Variants in GRIN2B observed in about 807,000 individuals in gnomAD.
GRIN2B encodes the protein glutamate receptor ionotropic, NMDA 2B.
GRIN2B carries 5 observed loss-of-function variants against 114.5 expected under a neutral mutation model. That is an observed-to-expected ratio of 0.04 (90% confidence interval 0.02 to 0.09). The LOEUF (loss-of-function observed/expected upper bound fraction) is 0.09. GRIN2B is among the 10% of genes least tolerant of loss of function. The pLI is 1.00. For missense variants in GRIN2B, 1,108 were observed against 1,943.5 expected, an observed-to-expected ratio of 0.57 and a Z score of 8.08; for synonymous variants, 787 against 745.1, an observed-to-expected ratio of 1.06 and a Z score of -0.92.
At chr12:13,737,271 G>A (rs1863202275) in intron 4 of GRIN2B, among the ~76,000 whole-genome samples, 1 of 151,478 alleles carries the variant, frequency 6.6e-6, no homozygotes, top group Non-Finnish European at 1.5e-5. Context: ...GAGTGCAGTG[G>A]CGCTATCTCG....
intron 4 of GRIN2B, among the ~76,000 whole-genome samples, chr12:13,745,922 A>C (rs1443291197): frequency 6.6e-6 from 1 of 152,102 alleles, no homozygotes; most frequent in Non-Finnish European, 1.5e-5. Flanking sequence ...AATCTGACAA[A>C]TATTTATCAA....
At chr12:13,910,169 A>C (rs1022466741) in intron 2 of GRIN2B, among the ~76,000 whole-genome samples, 1 of 152,202 alleles carries the variant, frequency 6.6e-6, no homozygotes, top group Non-Finnish European at 1.5e-5. Context: ...ATTACTATTA[A>C]ATACTTATTA....
intron 3 of GRIN2B, among the ~76,000 whole-genome samples, chr12:13,796,494 C>T (rs1193207341): frequency 6.6e-6 from 1 of 152,172 alleles, no homozygotes; most frequent in African/African-American, 2.4e-5. Context: ...ACAAGCCTTT[C>T]CCCAATTCAG....
chr12:13,760,789 C>CA (rs1291050608), intron 3 of GRIN2B, among the ~76,000 whole-genome samples: 1 of 152,142 alleles, frequency 6.6e-6, no homozygotes, highest in African/African-American at 2.4e-5. Context: ...ATATGGGAGA[C>CA]AAAAAATCTC....
intron 4 of GRIN2B, among the ~76,000 whole-genome samples, chr12:13,692,760 C>CTTT (rs71067718): frequency 4.0e-3 from 208 of 52,016 alleles, no homozygotes; most frequent in African/African-American, 4.8e-3. Flanking sequence ...TCTTTCTTTT[C>CTTT]TTTTTTTTTT....
chr12:13,554,935 T>A lies in GRIN2B; in HGVS notation c.*7848A>T, dbSNP rs1397157878. The A allele has an allele frequency of 6.6e-6, 1 of 152,144 alleles. No homozygotes were observed. Among genetic ancestry groups the A allele is most frequent in the East Asian group, 1.9e-4 (1 of 5,198 alleles). The allele number at this position is 152,144 out of a possible 1,614,324, so 9.4% of individuals were successfully genotyped here. A position where few individuals can be genotyped will look rare whatever the true frequency, so the allele number is the denominator to read the frequency against. ...GGTTTGCAGCAATGGTTTTGGATAT[T>A]TGAGTCAAGATGAAGTTGAGTGTTC... On this transcript the variant is annotated 3_prime_UTR_variant, in exon 14 of 14. Coordinates refer to ENST00000609686, the MANE Select transcript of GRIN2B (RefSeq NM_000834.5).
At position 13,948,933 on chromosome 12, in the gene GRIN2B, G is replaced by A. The variant is rs553695015; in HGVS notation, c.-19+30995C>T. On this transcript the variant is annotated intron_variant, in intron 2 of 13. Coordinates refer to ENST00000609686, the MANE Select transcript of GRIN2B (RefSeq NM_000834.5). ...CAAACTCACCAGACTACTGCAGACC[G>A]CTTTTTCTCTGAAAGAACTAAGTTC... Among the ~76,000 whole-genome samples the A allele has an allele frequency of 3.3e-4, 50 of 152,226 alleles. 1 individual carries two copies. The highest frequency in any genetic ancestry group is 1.0e-3 in the African/African-American group (43 of 41,540).
intron 3 of GRIN2B, among the ~76,000 whole-genome samples, chr12:13,825,510 G>GTGTGTGTA (rs1798339584): frequency 7.1e-6 from 1 of 140,450 alleles, no homozygotes; most frequent in South Asian, 2.3e-4. Context: ...GTGTGTGTGT[G>GTGTGTGTA]TGTGTGTGTG....
chr12:13,866,241 A>G lies in GRIN2B; in HGVS notation c.-18-15T>C, dbSNP rs775357277. On this transcript the variant is annotated splice_polypyrimidine_tract_variant and intron_variant, in intron 2 of 13. Transcript: ENST00000609686. Reference sequence around the variant, plus strand: ...TCGTCGACTCCCTGCAAACACAAAGAAAGAGCATGTTAAAATAGGATCTAC... The same window carrying G: ...TCGTCGACTCCCTGCAAACACAAAGGAAGAGCATGTTAAAATAGGATCTAC... 1 of 1,599,116 alleles carries G rather than the reference A, an allele frequency of 6.3e-7. No homozygotes were observed. Among genetic ancestry groups the G allele is most frequent in the South Asian group, 1.1e-5 (1 of 90,974 alleles).
Position 13,791,456 on chromosome 12 carries a change from AAAAAAAT to A in GRIN2B, c.412-37548_412-37542del, listed in dbSNP as rs1444486547. On this transcript the variant is annotated intron_variant, in intron 3 of 13. Coordinates refer to ENST00000609686, the MANE Select transcript of GRIN2B (RefSeq NM_000834.5). Reference sequence around the variant, plus strand: ...GACAGAGCGAGACTCTGTCTCAAAAAAAAAAATAAAAAAAAAAAATTCCATGTCATGT... The same window carrying A: ...GACAGAGCGAGACTCTGTCTCAAAAAAAAAAAAAAAAATTCCATGTCATGT... Among the ~76,000 whole-genome samples, 20 of 129,824 alleles carry A rather than the reference AAAAAAAT, an allele frequency of 1.5e-4. No homozygotes were observed. In the East Asian group the frequency reaches 3.5e-3, roughly 23 times the overall value. 85.2% of individuals were successfully genotyped at this position (129,824 alleles called of 152,430 possible). A position where few individuals can be genotyped will look rare whatever the true frequency, so the allele number is the denominator to read the frequency against.
At chr12:13,875,221 G>A (rs887026089) in intron 2 of GRIN2B, among the ~76,000 whole-genome samples, 1 of 151,928 alleles carries the variant, frequency 6.6e-6, no homozygotes, top group Admixed American at 6.6e-5. Flanking sequence ...AATAAAAGTT[G>A]AAGAAAAAAA....
At chr12:13,866,840 T>C (rs529224537) in intron 2 of GRIN2B, among the ~76,000 whole-genome samples, 13 of 152,318 alleles carry the variant, frequency 8.5e-5, no homozygotes, top group Admixed American at 2.0e-4. Flanking sequence ...TTTTAAAACA[T>C]TGCCTCAATT....
intron 5 of GRIN2B, among the ~76,000 whole-genome samples, chr12:13,626,111 C>T (rs1028286212): frequency 1.3e-5 from 2 of 152,138 alleles, no homozygotes; most frequent in East Asian, 3.9e-4. Context: ...CAGTGAGAAC[C>T]GAGCTCTACC....
chr12:13,731,828 A>C (rs1863091591), intron 4 of GRIN2B, among the ~76,000 whole-genome samples: 1 of 152,160 alleles, frequency 6.6e-6, no homozygotes, highest in African/African-American at 2.4e-5. Context: ...CTCTTTCCCC[A>C]TTCTCTCATA....
At chr12:13,570,797 T>C (rs1591611565) in intron 11 of GRIN2B, among the ~76,000 whole-genome samples, 1 of 152,208 alleles carries the variant, frequency 6.6e-6, no homozygotes, top group South Asian at 2.1e-4. Flanking sequence ...AATTTAGATA[T>C]AGCCTTACAG....
At position 13,782,126 on chromosome 12, in the gene GRIN2B, T is replaced by C. The variant is rs1470516010; in HGVS notation, c.412-28211A>G. Among the ~76,000 whole-genome samples the C allele has an allele frequency of 2.0e-5, 3 of 152,202 alleles. No individual in the cohort carries two copies. The East Asian group carries it at 5.8e-4, about 29-fold the overall frequency. On this transcript the variant is annotated intron_variant, in intron 3 of 13. Transcript: ENST00000609686. ...GTGAGGTTGAACGTAAAACGGTGTCTGAATTTATTCAAGTTGATGTTATAG... is the reference window on the plus strand; with the variant it reads ...GTGAGGTTGAACGTAAAACGGTGTCCGAATTTATTCAAGTTGATGTTATAG...
At chr12:13,980,900 G>C (rs545645316) in intron 1 of GRIN2B, among the ~76,000 whole-genome samples, 1 of 152,186 alleles carries the variant, frequency 6.6e-6, no homozygotes, top group African/African-American at 2.4e-5. Flanking sequence ...ACTGACGCGC[G>C]CACACACGCC....
intron 3 of GRIN2B, among the ~76,000 whole-genome samples, chr12:13,855,013 C>A (rs904800044): frequency 5.6e-5 from 8 of 142,256 alleles, no homozygotes; most frequent in African/African-American, 2.1e-4. Context: ...GAGTTTGAGA[C>A]CTGCCTGGCC....
intron 3 of GRIN2B, among the ~76,000 whole-genome samples, chr12:13,826,651 T>C (rs868561234): frequency 1.4e-4 from 22 of 152,136 alleles, no homozygotes; most frequent in African/African-American, 5.3e-4. Context: ...TTTTTTTTAG[T>C]TTGGGATTTA....
Sources: gnomAD v4.1 joint callset for allele counts (sites outside exome capture counted in the v4.1 genomes callset) on GRCh38, gnomAD v4.1.1 for gene constraint, MANE v1.5 for transcripts, NCBI Gene and HGNC (gene_info 2026-07-23, HGNC 2026-07-21) for gene names.